The following TMCC1 variants were observed in gnomAD, a reference collection of about 807,000 sequenced individuals.
The protein encoded by TMCC1 is transmembrane and coiled-coil domain family 1, also known as transmembrane and coiled-coil domains protein 1.
TMCC1 carries 15 observed loss-of-function variants against 52.4 expected under a neutral mutation model. The observed-to-expected ratio is 0.29, with a 90% CI of 0.19 to 0.44. The LOEUF is 0.44. Among genes scored for constraint, TMCC1 ranks in the 20% least tolerant of loss-of-function variants. The pLI, the probability that TMCC1 is intolerant of heterozygous loss-of-function variation, is 1.00. For missense variants in TMCC1, 503 were observed against 806.0 expected (o/e 0.62, Z 4.55); for synonymous variants, 279 against 301.9 (o/e 0.92, Z 0.79).
chr3:129,654,627 T>C (rs1445231897), intron 6 of TMCC1, among the ~76,000 whole-genome samples: 1 of 152,136 alleles, frequency 6.6e-6, no homozygotes, highest in African/African-American at 2.4e-5. Context: ...AAAAGCCCCC[T>C]TTCCCACAGA....
At chr3:129,883,563 A>G (rs950218117) in intron 1 of TMCC1, among the ~76,000 whole-genome samples, 12 of 151,996 alleles carry the variant, frequency 7.9e-5, no homozygotes, top group Admixed American at 7.9e-4. Flanking sequence ...GCAGTAATTC[A>G]TGTTTACACC....
intron 4 of TMCC1, among the ~76,000 whole-genome samples, chr3:129,785,668 A>G (rs1360081701): frequency 2.6e-5 from 4 of 152,124 alleles, no homozygotes; most frequent in Admixed American, 6.6e-5. Flanking sequence ...ATGATCTTCA[A>G]ATAATTAGAA....
chr3:129,868,687 ACCTTGG>A (rs1044762909), intron 2 of TMCC1, among the ~76,000 whole-genome samples: 2 of 152,202 alleles, frequency 1.3e-5, no homozygotes, highest in African/African-American at 4.8e-5. Flanking sequence ...TGATCCACCC[ACCTTGG>A]CCTTCCAAAG....
intron 5 of TMCC1, among the ~76,000 whole-genome samples, chr3:129,657,254 A>C (rs528421163): frequency 1.3e-5 from 2 of 152,188 alleles, no homozygotes; most frequent in East Asian, 3.8e-4. Context: ...CTTAGCCTAC[A>C]AATTTCAGGC....
chr3:129,788,721 G>A (rs1185820871), intron 4 of TMCC1, among the ~76,000 whole-genome samples: 2 of 151,924 alleles, frequency 1.3e-5, no homozygotes, highest in Admixed American at 1.3e-4. Flanking sequence ...GCCCGTCTTG[G>A]CCTTCCAAAG....
rs55678236 is a variant in TMCC1 at position 129,735,647 on chromosome 3, T to TAAAA, written c.577-64387_577-64384dup. 1.8e-3 allele frequency among the ~76,000 whole-genome samples: 240 copies of TAAAA among 134,634 alleles called. 5 individuals carry two copies. In the East Asian group the frequency reaches 0.019, roughly 10 times the overall value. 88.3% of individuals were successfully genotyped at this position (134,634 alleles called of 152,430 possible). ...CTGGGCGACAGAGCCAAGACTCTCT[T>TAAAA]AAAAAAAAAAAAAAAAGCAAAGAGA... is the stretch of plus-strand genomic sequence containing the variant. On this transcript the variant is annotated intron_variant, in intron 4 of 6. Transcript: ENST00000393238.
rs149693653 is a variant in TMCC1 at position 129,738,716 on chromosome 3, T to C, written c.577-67452A>G. 6.6e-5 allele frequency among the ~76,000 whole-genome samples: 10 copies of C among 152,330 alleles called. No homozygotes were observed. The South Asian group carries it at 8.3e-4, about 13-fold the overall frequency. On this transcript the variant is annotated intron_variant, in intron 4 of 6. Coordinates refer to ENST00000393238, the MANE Select transcript of TMCC1 (RefSeq NM_001017395.5). ...CGTGGTTTCATTGTAATTTTTTTCATTGGCGATTAAAAAAAGTGTTTAAGA... is the reference window on the plus strand; with the variant it reads ...CGTGGTTTCATTGTAATTTTTTTCACTGGCGATTAAAAAAAGTGTTTAAGA...
intron 4 of TMCC1, among the ~76,000 whole-genome samples, chr3:129,784,622 G>A (rs1476588625): frequency 1.3e-5 from 2 of 151,210 alleles, no homozygotes; most frequent in Admixed American, 1.3e-4. Flanking sequence ...AATACATGGT[G>A]GGGGGTGGGG....
At chr3:129,771,697 C>T (rs1367021964) in intron 4 of TMCC1, among the ~76,000 whole-genome samples, 1 of 145,024 alleles carries the variant, frequency 6.9e-6, no homozygotes, top group Non-Finnish European at 1.5e-5. Context: ...ATCACTTGGC[C>T]CCAGGAGGTC....
chr3:129,667,068 A>T (rs901762910), intron 5 of TMCC1, among the ~76,000 whole-genome samples: 2 of 150,398 alleles, frequency 1.3e-5, no homozygotes, highest in African/African-American at 2.4e-5. Flanking sequence ...TGCCTGGCTA[A>T]TTTTTTTTGT....
chr3:129,791,374 T>A (rs2056451564), intron 4 of TMCC1, among the ~76,000 whole-genome samples: 3 of 152,262 alleles, frequency 2.0e-5, no homozygotes, highest in African/African-American at 7.2e-5. Context: ...ATTACAGATA[T>A]GAGTCACCGC....
intron 4 of TMCC1, among the ~76,000 whole-genome samples, chr3:129,702,564 T>C (rs1246110753): frequency 6.6e-6 from 1 of 152,206 alleles, no homozygotes; most frequent in Non-Finnish European, 1.5e-5. Context: ...TATTTCAGGC[T>C]GAATGCCATG....
chr3:129,852,096 T>C (rs1244633074), intron 2 of TMCC1, among the ~76,000 whole-genome samples: 2 of 152,110 alleles, frequency 1.3e-5, no homozygotes, highest in Non-Finnish European at 2.9e-5. Context: ...AAGGCTGCAG[T>C]GAGCCCTGAT....
In TMCC1 at chr3:129,670,750, G is replaced by A; in HGVS notation, c.1091C>T (p.Ala364Val). 6.2e-7 allele frequency: 1 copy of A among 1,614,174 alleles called. No individual in the cohort carries two copies. The change falls in exon 5 of 7, where the codon GCT (alanine) becomes GTT (valine). Residue 364 changes from alanine (A) to valine (V), a missense_variant. Ala to Val is a moderately conservative substitution (Grantham distance 64). Transcript: ENST00000393238. Reference sequence around the variant, plus strand: ...AATCTCTCTGGGCTTTGAGACTACAGCGCCTGCTGCTGAATGGGTGGCCTG... The same window carrying A: ...AATCTCTCTGGGCTTTGAGACTACAACGCCTGCTGCTGAATGGGTGGCCTG... ...FSQATHSAAG[A>V]VVSKPREIAS...
intron 4 of TMCC1, among the ~76,000 whole-genome samples, chr3:129,675,115 T>C (rs1362272876): frequency 6.6e-6 from 1 of 152,234 alleles, no homozygotes; most frequent in Non-Finnish European, 1.5e-5. Context: ...ATTATAGGCG[T>C]GAGCCACTGT....
At position 129,693,336 on chromosome 3, in the gene TMCC1, G is replaced by T. The variant is rs536117360; in HGVS notation, c.577-22072C>A. Among the ~76,000 whole-genome samples the T allele has an allele frequency of 1.6e-4, 25 of 152,088 alleles. No individual in the cohort carries two copies. The South Asian group carries it at 4.6e-3, about 28-fold the overall frequency. ...ACAAACCAAACCGGAAAGAACAAAG[G>T]TTCTTTACTTGTGAAAGAGCTTAGG... On this transcript the variant is annotated intron_variant, in intron 4 of 6. Coordinates refer to ENST00000393238, the MANE Select transcript of TMCC1 (RefSeq NM_001017395.5).
intron 4 of TMCC1, among the ~76,000 whole-genome samples, chr3:129,793,035 G>A (rs550899034): frequency 3.3e-5 from 5 of 152,076 alleles, no homozygotes; most frequent in East Asian, 1.9e-4. Context: ...GTGCAGGAAC[G>A]TCACTGCCCT....
chr3:129,649,378 G>A lies in TMCC1; in HGVS notation c.*2103C>T, dbSNP rs946095124. On this transcript the variant is annotated 3_prime_UTR_variant, in exon 7 of 7. Coordinates refer to ENST00000393238, the MANE Select transcript of TMCC1 (RefSeq NM_001017395.5). Reference sequence around the variant, plus strand: ...AAAGTTAACATTTTAATACATATAGGCTTGGGGACAATTTGTTTTTGGCAT... The same window carrying A: ...AAAGTTAACATTTTAATACATATAGACTTGGGGACAATTTGTTTTTGGCAT... The A allele has an allele frequency of 1.3e-5, 2 of 152,048 alleles. No homozygotes were observed. The highest frequency in any genetic ancestry group is 6.5e-5 in the Admixed American group (1 of 15,272). 9.4% of individuals were successfully genotyped at this position (152,048 alleles called of 1,614,324 possible).
At chr3:129,655,129 T>G (rs771540152) in intron 5 of TMCC1, 26 bp from the exon 6 acceptor site, 1 of 1,604,204 alleles carries the variant, frequency 6.2e-7, no homozygotes, top group South Asian at 1.1e-5. Context: ...AAGTTTAGAA[T>G]TTTATGAATT....
Sources: allele counts gnomAD v4.1 joint callset (sites outside exome capture counted in the v4.1 genomes callset), GRCh38; gene constraint gnomAD v4.1.1; transcripts MANE v1.5; gene names NCBI Gene and HGNC (gene_info 2026-07-23, HGNC 2026-07-21).